EDDM13: variants seen among roughly 807,000 people sequenced by gnomAD.
The protein encoded by EDDM13 is epididymal protein 13.
EDDM13 carries 24 observed loss-of-function variants against 17.8 expected under a neutral mutation model. The ratio of observed to expected loss-of-function variants is 1.35; its 90% CI spans 0.98 to 1.90. EDDM13 has a LOEUF of 1.90. Ranked by LOEUF, EDDM13 falls within the 40% of genes most tolerant of loss-of-function variation. The pLI is 0.00. For synonymous variants in EDDM13, 31 were observed against 37.5 expected (o/e 0.83, Z 0.63); for missense variants, 97 against 100.8 (o/e 0.96, Z 0.16).
intron 13 of EDDM13, among the ~76,000 whole-genome samples, chr19:56,303,818 C>T (rs1313407997): frequency 2.3e-5 from 2 of 88,826 alleles, no homozygotes; most frequent in Non-Finnish European, 3.9e-5. Flanking sequence ...GGGCAGGTAA[C>T]GTCTGGACAT....
At chr19:56,287,286 T>C (rs1419939625) in intron 6 of EDDM13, among the ~76,000 whole-genome samples, 1 of 152,228 alleles carries the variant, frequency 6.6e-6, no homozygotes, top group South Asian at 2.1e-4. Context: ...GTGGGAAACA[T>C]TTTACGGAAA....
chr19:56,293,128 C>T (rs527624761), intron 9 of EDDM13, among the ~76,000 whole-genome samples: 265 of 152,320 alleles, frequency 1.7e-3, no homozygotes, highest in Middle Eastern at 6.8e-3. Flanking sequence ...CAGTGAAACC[C>T]AAGACATCCT....
chr19:56,302,484 C>CCATCCTTCTTCCCTCCCTTCTTCCTTCT (rs1568725592), intron 13 of EDDM13, among the ~76,000 whole-genome samples: 11 of 127,158 alleles, frequency 8.7e-5, no homozygotes, highest in African/African-American at 3.2e-4. Context: ...TTCTTCCTTC[C>CCATCCTTCTTCCCTCCCTTCTTCCTTCT]CATCCTTCTT....
chr19:56,287,331 C>G (rs193283327), intron 6 of EDDM13, among the ~76,000 whole-genome samples: 2 of 152,362 alleles, frequency 1.3e-5, no homozygotes, highest in Non-Finnish European at 2.9e-5. Context: ...ATGTCAGGAA[C>G]AGTCAGTCCA....
At chr19:56,301,434 T>G (rs2040223307) in intron 12 of EDDM13, among the ~76,000 whole-genome samples, 1 of 152,002 alleles carries the variant, frequency 6.6e-6, no homozygotes, top group Non-Finnish European at 1.5e-5. Context: ...GCATTATAAT[T>G]AGTATATAAT....
In EDDM13 at chr19:56,284,104, T is replaced by C. The variant is rs976913116; in HGVS notation, c.119-94T>C. On this transcript the variant is annotated intron_variant, in intron 4 of 14. Transcript: ENST00000649256. The stretch of plus-strand genomic sequence containing the variant: ...GACCTCGTTTTTGGTTTTCTAATTA[T>C]GGCTTCGTCTTTGTGACCTCTTGGG... 3 of 962,114 alleles carry C rather than the reference T, an allele frequency of 3.1e-6. No homozygotes were observed. In the African/African-American group the frequency reaches 5.3e-5, roughly 17 times the overall value. The allele number at this position is 962,114 out of a possible 1,614,324, so 59.6% of individuals were successfully genotyped here.
chr19:56,276,398 A>G (rs1274302216), intron 2 of EDDM13, among the ~76,000 whole-genome samples: 2 of 152,114 alleles, frequency 1.3e-5, no homozygotes, highest in African/African-American at 4.8e-5. Context: ...GCAGATCTCC[A>G]TTAGAATAAC....
intron 9 of EDDM13, among the ~76,000 whole-genome samples, chr19:56,293,848 C>A (rs2039683602): frequency 6.6e-6 from 1 of 151,780 alleles, no homozygotes; most frequent in East Asian, 1.9e-4. Context: ...ACACCCCACC[C>A]CCACAACAAA....
chr19:56,276,851 T>C (rs1351007178), intron 2 of EDDM13, among the ~76,000 whole-genome samples: 1 of 152,088 alleles, frequency 6.6e-6, no homozygotes. Context: ...GTTATCTTTA[T>C]TGATATTTAC....
chr19:56,310,064 G>GT (rs2040940174), intron 14 of EDDM13, 60 bp from the exon 15 acceptor site: 1 of 152,436 alleles, frequency 6.6e-6, no homozygotes, highest in Non-Finnish European at 1.5e-5. Flanking sequence ...CAGGCAAGGA[G>GT]TATGAGAATG....
At chr19:56,297,577 TC>T in intron 12 of EDDM13, 46 bp downstream of exon 12, 1 of 953,900 alleles carries the variant, frequency 1.0e-6, no homozygotes, top group Non-Finnish European at 1.2e-6. Context: ...AGACAGTGTG[TC>T]CCTTCTGTCT....
At chr19:56,274,625 AAAGC>A (rs560524015) in intron 1 of EDDM13, 9 of 152,348 alleles carry the variant, frequency 5.9e-5, no homozygotes, top group African/African-American at 1.9e-4. Context: ...ACAATGACTA[AAAGC>A]AAGACCCAAC....
intron 2 of EDDM13, chr19:56,280,494 T>C (rs2038610740): frequency 1.3e-5 from 2 of 152,308 alleles, no homozygotes; most frequent in South Asian, 4.1e-4. Context: ...TACATGGAAA[T>C]ATGTAGAATT....
rs536321529 is a variant in EDDM13, at chr19:56,309,082, G to A, written c.462-1042G>A. Among the ~76,000 whole-genome samples the A allele has an allele frequency of 2.6e-5, 4 of 152,290 alleles. No homozygotes were observed. In the East Asian group the frequency reaches 5.8e-4, roughly 22 times the overall value. ...CAACTGATGAAAGGATAAACAAAAC[G>A]TAGTGCATTCATACAATGGATTATT... On this transcript the variant is annotated intron_variant, in intron 14 of 14. Coordinates refer to ENST00000649256, the MANE Select transcript of EDDM13 (RefSeq NM_001354658.2).
At chr19:56,299,743 T>C (rs769668476) in intron 12 of EDDM13, 3 of 152,248 alleles carry the variant, frequency 2.0e-5, no homozygotes, top group South Asian at 2.1e-4. Flanking sequence ...TGTACTGTTA[T>C]ATTTTTGTAT....
intron 8 of EDDM13, among the ~76,000 whole-genome samples, chr19:56,289,611 T>G (rs2039377982): frequency 6.6e-6 from 1 of 152,110 alleles, no homozygotes; most frequent in Non-Finnish European, 1.5e-5. Context: ...GTGGTCTGTT[T>G]GTTTGTTTTT....
chr19:56,287,631 G>A (rs978089659), intron 6 of EDDM13, among the ~76,000 whole-genome samples: 1 of 152,114 alleles, frequency 6.6e-6, no homozygotes, highest in Non-Finnish European at 1.5e-5. Flanking sequence ...AGTACCAATC[G>A]AATGTAGCCA....
At chr19:56,276,212 T>C (rs1266241151) in intron 2 of EDDM13, among the ~76,000 whole-genome samples, 103 bp downstream of exon 2, 1 of 152,190 alleles carries the variant, frequency 6.6e-6, no homozygotes, top group Non-Finnish European at 1.5e-5. Flanking sequence ...AGGGTGGCAC[T>C]TGGATCTGGT....
At chr19:56,302,161 G>A (rs967788266) in intron 13 of EDDM13, 66 bp downstream of exon 13, 3 of 1,175,438 alleles carry the variant, frequency 2.6e-6, no homozygotes, top group Admixed American at 4.2e-5. Flanking sequence ...GGAAGTGGGG[G>A]CACAGAGGAA....
Sources: allele counts gnomAD v4.1 joint callset (sites outside exome capture counted in the v4.1 genomes callset), GRCh38; gene constraint gnomAD v4.1.1; transcripts MANE v1.5; gene names NCBI Gene and HGNC (gene_info 2026-07-23, HGNC 2026-07-21).